Variants in LPP observed in about 807,000 individuals in gnomAD.
LPP encodes lipoma-preferred partner.
LPP carries 38 observed loss-of-function variants against 60.4 expected under a neutral mutation model. That is an observed-to-expected ratio of 0.63 (90% CI 0.49 to 0.83). The LOEUF (loss-of-function observed/expected upper bound fraction) is 0.83, where lower values mean the gene tolerates loss of function less well. LPP is among the 40% of genes least tolerant of loss of function. LPP has a pLI of 0.00. For missense variants in LPP, 902 were observed against 783.6 expected, an observed-to-expected ratio of 1.15 and a Z score of -1.80; for synonymous variants, 328 against 290.8, an observed-to-expected ratio of 1.13 and a Z score of -1.30.
At chr3:188,166,564 G>T (rs1410767438) in intron 1 of LPP, among the ~76,000 whole-genome samples, 1 of 152,158 alleles carries the variant, frequency 6.6e-6, no homozygotes, top group East Asian at 1.9e-4. Context: ...CCTGCGGATG[G>T]TTATTATTAT....
chr3:188,887,235 T>C lies in LPP; in HGVS notation c.*12756T>C, dbSNP rs1770787115. 4.5e-6 allele frequency: 1 copy of C among 221,068 alleles called. No individual in the cohort carries two copies. The highest frequency in any genetic ancestry group is 1.8e-4 in the South Asian group (1 of 5,436). The allele number at this position is 221,068 out of a possible 1,614,324, so 13.7% of individuals were successfully genotyped here. The stretch of plus-strand genomic sequence containing the variant: ...TTAAGAAATGCAAAATGGGAAGAGC[T>C]AGCTTTTCTTAGATACATTTCTTCC... On this transcript the variant is annotated 3_prime_UTR_variant, in exon 12 of 12. Transcript: ENST00000617246.
At chr3:188,492,271 G>C (rs1348878878) in intron 5 of LPP, among the ~76,000 whole-genome samples, 1 of 152,096 alleles carries the variant, frequency 6.6e-6, no homozygotes, top group Non-Finnish European at 1.5e-5. Flanking sequence ...TTCTTTTTGA[G>C]TCAGTGAAAG....
chr3:188,162,157 T>C (rs1231424992), intron 1 of LPP, among the ~76,000 whole-genome samples: 2 of 152,236 alleles, frequency 1.3e-5, no homozygotes, highest in African/African-American at 2.4e-5. Context: ...ATAGCCTTCA[T>C]AGCACTTTTA....
intron 2 of LPP, chr3:188,240,106 T>G (rs1723445519): frequency 5.1e-6 from 1 of 194,666 alleles, no homozygotes; most frequent in Admixed American, 6.1e-5. Flanking sequence ...GATGGATACA[T>G]CTGTGACCTG....
At chr3:188,697,137 C>T (rs1471017759) in intron 7 of LPP, among the ~76,000 whole-genome samples, 2 of 152,122 alleles carry the variant, frequency 1.3e-5, no homozygotes, top group Admixed American at 6.6e-5. Flanking sequence ...TCAGTGTGAT[C>T]GGTGTGTCTG....
intron 4 of LPP, among the ~76,000 whole-genome samples, chr3:188,449,802 T>TATG (rs1299455244): frequency 6.7e-6 from 1 of 149,718 alleles, no homozygotes; most frequent in Non-Finnish European, 1.5e-5. Flanking sequence ...TTTATATTGC[T>TATG]ATTATTATTA....
At chr3:188,826,952 C>T (rs1035792246) in intron 9 of LPP, among the ~76,000 whole-genome samples, 3 of 152,006 alleles carry the variant, frequency 2.0e-5, no homozygotes, top group Non-Finnish European at 4.4e-5. Context: ...GTAGTTCCTC[C>T]CACACTGTAC....
At chr3:188,740,288 T>A (rs1185300240) in intron 8 of LPP, among the ~76,000 whole-genome samples, 2 of 152,114 alleles carry the variant, frequency 1.3e-5, no homozygotes, top group Non-Finnish European at 2.9e-5. Context: ...AATGAGTAAA[T>A]GGATCTACCT....
chr3:188,302,754 C>T (rs145196883), intron 2 of LPP, among the ~76,000 whole-genome samples: 129 of 152,312 alleles, frequency 8.5e-4, no homozygotes, highest in African/African-American at 3.0e-3. Context: ...ATATATTTTG[C>T]CAGGCCAGCT....
At chr3:188,295,769 A>G (rs897122993) in intron 2 of LPP, among the ~76,000 whole-genome samples, 7 of 152,186 alleles carry the variant, frequency 4.6e-5, no homozygotes, top group African/African-American at 1.7e-4. Context: ...CCTGAGCTGA[A>G]GTGAGCCTCA....
chr3:188,207,424 G>T (rs1465926691), intron 1 of LPP, among the ~76,000 whole-genome samples: 2 of 151,644 alleles, frequency 1.3e-5, no homozygotes, highest in South Asian at 2.1e-4. Flanking sequence ...TAGAGATGGG[G>T]TTTCACCAGG....
In LPP at chr3:188,609,259, G is replaced by A. The variant is rs2151372846; in HGVS notation, c.528G>A (p.Lys176=). The change falls in exon 7 of 12, where the codon AAG becomes AAA. Residue 176 remains lysine (K), a synonymous_variant. Transcript: ENST00000617246. The surrounding 1 kb of genome is among the most constrained non-coding windows in gnomAD (Gnocchi z 6.9). The part of the protein sequence containing the change: ...IPNQPPLTAT[K]KSTLKPQPAP... ...ACCAACCCCCTCTAACAGCAACCAA[G>A]AAGTCTACATTGAAACCACAGCCTG... is the stretch of plus-strand genomic sequence containing the variant. The A allele has an allele frequency of 6.2e-7, 1 of 1,613,956 alleles. No individual in the cohort carries two copies. The highest frequency in any genetic ancestry group is 8.5e-7 in the Non-Finnish European group (1 of 1,179,998).
chr3:188,883,596 G>T lies in LPP; in HGVS notation c.*9117G>T. ...AAAAATACAAAAATTAGCCGGGCGT[G>T]TTGGCGGGCGCCTGTAGTCCCAACT... On this transcript the variant is annotated 3_prime_UTR_variant, in exon 12 of 12. Coordinates refer to ENST00000617246, the MANE Select transcript of LPP (RefSeq NM_001375462.1). The T allele has an allele frequency of 5.5e-6, 1 of 180,664 alleles. No individual in the cohort carries two copies. The highest frequency in any genetic ancestry group is 9.2e-5 in the East Asian group (1 of 10,918). 11.2% of individuals were successfully genotyped at this position (180,664 alleles called of 1,614,324 possible).
chr3:188,204,540 A>T (rs1366900333), intron 1 of LPP, among the ~76,000 whole-genome samples: 1 of 152,162 alleles, frequency 6.6e-6, no homozygotes, highest in Non-Finnish European at 1.5e-5. Flanking sequence ...TAACAATGGC[A>T]ATATTTTTTA....
chr3:188,729,437 C>T (rs1719615658), intron 8 of LPP, among the ~76,000 whole-genome samples: 1 of 152,152 alleles, frequency 6.6e-6, no homozygotes, highest in Non-Finnish European at 1.5e-5. Flanking sequence ...GAAGGGATAA[C>T]CATTTCTACT....
chr3:188,502,774 A>G (rs1812283661), intron 5 of LPP, among the ~76,000 whole-genome samples: 1 of 152,138 alleles, frequency 6.6e-6, no homozygotes, highest in Non-Finnish European at 1.5e-5. Context: ...CCTACTCTAA[A>G]CATACTCAGA....
intron 7 of LPP, among the ~76,000 whole-genome samples, chr3:188,612,828 G>A (rs1043371715): frequency 1.3e-5 from 2 of 151,908 alleles, no homozygotes; most frequent in East Asian, 3.9e-4. Context: ...AGCTGCTTTA[G>A]TTTTCCTATA....
chr3:188,606,019 G>T (rs1476899055), intron 6 of LPP, among the ~76,000 whole-genome samples: 1 of 152,066 alleles, frequency 6.6e-6, no homozygotes. Context: ...AACTCAAGAA[G>T]ACCATAGTAC....
At chr3:188,629,423 A>G (rs1221279824) in intron 7 of LPP, among the ~76,000 whole-genome samples, 1 of 152,162 alleles carries the variant, frequency 6.6e-6, no homozygotes, top group Non-Finnish European at 1.5e-5. Flanking sequence ...CTATATACCA[A>G]TAATGTCCAA....
Sources: gnomAD v4.1 joint callset for allele counts (sites outside exome capture counted in the v4.1 genomes callset) on GRCh38, gnomAD v4.1.1 for gene constraint, Gnocchi (gnomAD v3.1) non-coding constraint, MANE v1.5 for transcripts, NCBI Gene and HGNC (gene_info 2026-07-23, HGNC 2026-07-21) for gene names.